Variants in TMIGD3 observed in about 807,000 individuals in gnomAD.
TMIGD3 encodes AD026 protein (AD026).
TMIGD3 carries 21 observed loss-of-function variants against 28.1 expected under a neutral mutation model. The ratio of observed to expected loss-of-function variants is 0.75; its 90% CI spans 0.53 to 1.08. TMIGD3 has a LOEUF of 1.08. Ranked by LOEUF, TMIGD3 falls within the 50% of genes least tolerant of loss-of-function variation. TMIGD3 has a pLI of 0.00. For synonymous variants in TMIGD3, 151 were observed against 162.1 expected (o/e 0.93, Z 0.52); for missense variants, 416 against 435.6 (o/e 0.96, Z 0.40).
At chr1:111,500,018 G>A (rs1471388572) in intron 1 of TMIGD3, 2 of 1,614,192 alleles carry the variant, frequency 1.2e-6, no homozygotes, top group Non-Finnish European at 1.7e-6. Context: ...CAAGCTTTGA[G>A]GATCAAAAGG....
In TMIGD3 at chr1:111,503,024, G is replaced by A. The variant is rs778435396; in HGVS notation, c.331C>T (p.Arg111Trp). 3.5e-5 allele frequency: 57 copies of A among 1,613,970 alleles called. No homozygotes were observed. Among genetic ancestry groups the A allele is most frequent in the South Asian group, 1.2e-4 (11 of 91,084 alleles). The change falls in exon 1 of 6, where the codon CGG (arginine) becomes TGG (tryptophan). Residue 111 changes from arginine to tryptophan, a missense_variant. Physicochemically the swap from Arg to Trp is moderately radical, Grantham distance 101 (BLOSUM62 -3). Transcript: ENST00000369716. ...LLAIAVDRYL[R>W]VKLTVRFRIP... ...GGCTACCTGACGGTAAGCTTGACCC[G>A]CAAGTATCGGTCCACAGCGATGGCC...
At chr1:111,542,435 G>T in intron 1 of TMIGD3, 1 of 220,120 alleles carries the variant, frequency 4.5e-6, no homozygotes, top group Non-Finnish European at 9.5e-6. Flanking sequence ...ACTGGGCTCC[G>T]CCCTTAAGAG....
intron 1 of TMIGD3, among the ~76,000 whole-genome samples, chr1:111,497,447 A>G (rs904950099): frequency 2.0e-5 from 3 of 152,168 alleles, no homozygotes; most frequent in South Asian, 2.1e-4. Context: ...ACCAGAGTGG[A>G]TCTTGTCCCT....
upstream of TMIGD3, among the ~76,000 whole-genome samples, chr1:111,507,006 C>CGT (rs1557827871): frequency 2.5e-5 from 3 of 119,892 alleles, no homozygotes; most frequent in African/African-American, 6.3e-5. Flanking sequence ...TATACACACA[C>CGT]ATATGTGTGT....
rs191646826 is a variant in TMIGD3 at position 111,527,273 on chromosome 1, A to G, written c.108-36511T>C. ...GTGATCTGCCTGCCTTGGCCTCCCA[A>G]AGTGCTGAGATTACAGGCGTGAGCC... is the stretch of plus-strand genomic sequence containing the variant. On this transcript the variant is annotated intron_variant, in intron 1 of 5. Transcript: ENST00000369717. 2.6e-5 allele frequency among the ~76,000 whole-genome samples: 4 copies of G among 152,200 alleles called. No homozygotes were observed. In the East Asian group the frequency reaches 5.8e-4, roughly 22 times the overall value.
Position 111,495,776 on chromosome 1 carries a change from T to A in TMIGD3, c.351-5014A>T, listed in dbSNP as rs924571733. Among the ~76,000 whole-genome samples, 4 of 152,342 alleles carry A rather than the reference T, an allele frequency of 2.6e-5. No individual in the cohort carries two copies. The East Asian group carries it at 7.7e-4, about 29-fold the overall frequency. ...ACCTAAATGCCCATCAATGGCAGAC[T>A]GGATTTTTAAAAAGTGGTACATAGA... On this transcript the variant is annotated intron_variant, in intron 1 of 5. Transcript: ENST00000369716.
intron 4 of TMIGD3, 96 bp downstream of exon 4, chr1:111,486,490 G>A (rs536552207): frequency 2.8e-5 from 24 of 872,378 alleles, no homozygotes; most frequent in Middle Eastern, 3.3e-4. Flanking sequence ...AAAAGTTGTC[G>A]GTGCAAATCA....
intron 1 of TMIGD3, among the ~76,000 whole-genome samples, chr1:111,518,783 C>T (rs768485887): frequency 2.4e-4 from 36 of 152,194 alleles, no homozygotes; most frequent in Non-Finnish European, 3.8e-4. Flanking sequence ...CATTCTGATT[C>T]TCCTATGCCA....
intron 1 of TMIGD3, among the ~76,000 whole-genome samples, chr1:111,531,344 T>C (rs1299267579): frequency 6.6e-6 from 1 of 152,192 alleles, no homozygotes; most frequent in South Asian, 2.1e-4. Flanking sequence ...GTATCATTTG[T>C]ATTGCTATGT....
chr1:111,536,904 GC>G (rs1656658681), intron 1 of TMIGD3, among the ~76,000 whole-genome samples: 1 of 152,046 alleles, frequency 6.6e-6, no homozygotes, highest in Non-Finnish European at 1.5e-5. Context: ...TTGCCTCCAG[GC>G]CACCTGTCTC....
intron 3 of TMIGD3, among the ~76,000 whole-genome samples, chr1:111,487,442 C>G (rs1168001564): frequency 1.3e-5 from 2 of 151,802 alleles, no homozygotes; most frequent in African/African-American, 4.8e-5. Context: ...GCATTGTGCT[C>G]TGGACTGTGA....
chr1:111,497,453 T>C (rs188816559), intron 1 of TMIGD3, among the ~76,000 whole-genome samples: 1 of 152,298 alleles, frequency 6.6e-6, no homozygotes, highest in Admixed American at 6.5e-5. Context: ...GTGGATCTTG[T>C]CCCTTCTAAC....
upstream of TMIGD3, chr1:111,505,164 A>G (rs926303383): frequency 9.3e-6 from 4 of 431,706 alleles, no homozygotes; most frequent in Non-Finnish European, 1.2e-5. Context: ...CTTTCTCACT[A>G]TATAGCACTC....
In TMIGD3 at chr1:111,503,581, G is replaced by A; in HGVS notation, c.-227C>T. ...GGTGGGTCACTTCCAGCCCCTTTATGCACCGCACATCCTCAAGTTTCCAGA... is the reference window on the plus strand; with the variant it reads ...GGTGGGTCACTTCCAGCCCCTTTATACACCGCACATCCTCAAGTTTCCAGA... On this transcript the variant is annotated 5_prime_UTR_variant, in exon 1 of 6. Transcript: ENST00000369716. The A allele has an allele frequency of 1.5e-6, 2 of 1,365,404 alleles. No homozygotes were observed. Among genetic ancestry groups the A allele is most frequent in the South Asian group, 1.6e-5 (1 of 63,112 alleles). The allele number at this position is 1,365,404 out of a possible 1,614,324, so 84.6% of individuals were successfully genotyped here. A position where few individuals can be genotyped will look rare whatever the true frequency, so the allele number is the denominator to read the frequency against.
chr1:111,531,700 T>C (rs1366050930), intron 1 of TMIGD3, among the ~76,000 whole-genome samples: 4 of 152,098 alleles, frequency 2.6e-5, no homozygotes. Flanking sequence ...TGTATCCCTG[T>C]AAATTTATTT....
intron 1 of TMIGD3, among the ~76,000 whole-genome samples, chr1:111,495,070 T>A (rs796225577): frequency 1.3e-5 from 2 of 152,206 alleles, no homozygotes; most frequent in Non-Finnish European, 2.9e-5. Context: ...AATACCATTC[T>A]GGACATAGGA....
chr1:111,536,967 T>C (rs138247609), intron 1 of TMIGD3, among the ~76,000 whole-genome samples: 337 of 152,344 alleles, frequency 2.2e-3, no homozygotes, highest in African/African-American at 7.6e-3. Flanking sequence ...AGTCATGCCA[T>C]CAGGAAGTCT....
At chr1:111,560,248 A>G (rs1459467361) in intron 1 of TMIGD3, among the ~76,000 whole-genome samples, 1 of 152,142 alleles carries the variant, frequency 6.6e-6, no homozygotes, top group Admixed American at 6.5e-5. Context: ...TTAGAGCTGA[A>G]CTAACAAAGA....
chr1:111,499,999 C>A (rs767963822), intron 1 of TMIGD3: 6 of 1,614,010 alleles, frequency 3.7e-6, no homozygotes, highest in South Asian at 1.1e-5. Flanking sequence ...AGAGGGATGG[C>A]AGACCACACA....
Sources: allele counts gnomAD v4.1 joint callset (sites outside exome capture counted in the v4.1 genomes callset), GRCh38; gene constraint gnomAD v4.1.1; transcripts MANE v1.5; gene names NCBI Gene and HGNC (gene_info 2026-07-23, HGNC 2026-07-21).